The following RAP1GDS1 variants were observed in gnomAD, a reference collection of about 807,000 sequenced individuals.
RAP1GDS1 encodes Rap1 GTPase-GDP dissociation stimulator 1.
In RAP1GDS1, 35 loss-of-function variants were observed where a neutral mutation model predicts 71.1. That is an observed-to-expected ratio of 0.49 (90% CI 0.38 to 0.65). The LOEUF (loss-of-function observed/expected upper bound fraction) is 0.65. Ranked by LOEUF, RAP1GDS1 falls within the 30% of genes least tolerant of loss-of-function variation. The pLI, the probability that RAP1GDS1 is intolerant of heterozygous loss-of-function variation, is 0.00. For synonymous variants in RAP1GDS1, 229 were observed against 243.1 expected (o/e 0.94, Z 0.54); for missense variants, 663 against 706.1 (o/e 0.94, Z 0.69).
At chr4:98,355,446 G>A (rs750278204) in intron 4 of RAP1GDS1, among the ~76,000 whole-genome samples, 45 of 152,216 alleles carry the variant, frequency 3.0e-4, no homozygotes, top group Admixed American at 7.2e-4. Flanking sequence ...CAGGATGATA[G>A]TAGGCTTACA....
chr4:98,347,883 A>G (rs1170077611), intron 3 of RAP1GDS1, among the ~76,000 whole-genome samples: 1 of 152,226 alleles, frequency 6.6e-6, no homozygotes, highest in Non-Finnish European at 1.5e-5. Flanking sequence ...AGGTATAGGT[A>G]GTAGGAACCC....
At chr4:98,313,593 C>G (rs1730565288) in intron 2 of RAP1GDS1, among the ~76,000 whole-genome samples, 1 of 152,092 alleles carries the variant, frequency 6.6e-6, no homozygotes, top group African/African-American at 2.4e-5. Context: ...GCTGTAATCC[C>G]AGCACTTTGG....
At chr4:98,440,821 G>A (rs1751764656) in intron 14 of RAP1GDS1, among the ~76,000 whole-genome samples, 2 of 152,100 alleles carry the variant, frequency 1.3e-5, no homozygotes, top group African/African-American at 2.4e-5. Context: ...AGGTTCAAGC[G>A]ATTCTCCTGC....
At chr4:98,330,627 G>A (rs1177406981) in intron 2 of RAP1GDS1, among the ~76,000 whole-genome samples, 11 of 151,364 alleles carry the variant, frequency 7.3e-5, no homozygotes, top group East Asian at 4.0e-4. Context: ...GACGATGGGC[G>A]GCCGGGCAGA....
chr4:98,408,496 A>G (rs990405295), intron 7 of RAP1GDS1, among the ~76,000 whole-genome samples: 14 of 152,160 alleles, frequency 9.2e-5, no homozygotes, highest in African/African-American at 3.1e-4. Flanking sequence ...ATCTTACCTT[A>G]AGAATTCTTC....
intron 13 of RAP1GDS1, among the ~76,000 whole-genome samples, chr4:98,436,039 C>T (rs1284556824): frequency 6.6e-6 from 1 of 150,816 alleles, no homozygotes; most frequent in African/African-American, 2.4e-5. Context: ...CCACTGCACT[C>T]CAGCCTGGGC....
rs77017993 is a variant in RAP1GDS1, at chr4:98,364,374, A to C, written c.361+11773A>C. ...ACAGATAAAAAAACTGAGACCTGAA[A>C]ATTCAAGTGACTTATCAGAATCAAC... On this transcript the variant is annotated intron_variant, in intron 4 of 14. Transcript: ENST00000408927. 7.9e-3 allele frequency among the ~76,000 whole-genome samples: 1,206 copies of C among 152,218 alleles called. 16 individuals are homozygous for C. The highest frequency in any genetic ancestry group is 0.028 in the African/African-American group (1,153 of 41,538).
intron 1 of RAP1GDS1, among the ~76,000 whole-genome samples, chr4:98,276,311 T>A (rs1295257628): frequency 6.6e-6 from 1 of 152,152 alleles, no homozygotes; most frequent in African/African-American, 2.4e-5. Flanking sequence ...ACATATGAAT[T>A]TTTAGGGGAC....
rs6148589 is a variant in RAP1GDS1 at position 98,289,554 on chromosome 4, C to CAAAAAAAAAAA, written c.5-3843_5-3833dup. On this transcript the variant is annotated intron_variant, in intron 1 of 14. Transcript: ENST00000408927. The stretch of plus-strand genomic sequence containing the variant: ...TCGGTTTAGGACCAGCTCTGGTAAA[C>CAAAAAAAAAAA]AAAAAAAAAAAAAAAAAAAAAGAAA... Among the ~76,000 whole-genome samples the CAAAAAAAAAAA allele has an allele frequency of 8.0e-4, 82 of 101,972 alleles. 1 individual carries two copies. Among genetic ancestry groups the CAAAAAAAAAAA allele is most frequent in the East Asian group, 2.1e-3 (7 of 3,264 alleles). 66.9% of individuals were successfully genotyped at this position (101,972 alleles called of 152,430 possible). A position where few individuals can be genotyped will look rare whatever the true frequency, so the allele number is the denominator to read the frequency against.
intron 4 of RAP1GDS1, among the ~76,000 whole-genome samples, chr4:98,353,831 T>C (rs999309074): frequency 6.6e-6 from 1 of 152,176 alleles, no homozygotes; most frequent in Non-Finnish European, 1.5e-5. Flanking sequence ...ATTTTGTGTT[T>C]TCATATTTAG....
In RAP1GDS1 at chr4:98,363,478, C is replaced by CAAAAAAAAAAAAAAAA. The variant is rs34393905; in HGVS notation, c.361+10889_361+10904dup. On this transcript the variant is annotated intron_variant, in intron 4 of 14. Coordinates refer to ENST00000408927, the MANE Select transcript of RAP1GDS1 (RefSeq NM_001100427.2). ...CCTAAATAACAGTGAGACCCTGTCT[C>CAAAAAAAAAAAAAAAA]AAAAAAAAAAAAAAAAAAAAAAAAA... Among the ~76,000 whole-genome samples, 17 of 37,730 alleles carry CAAAAAAAAAAAAAAAA rather than the reference C, an allele frequency of 4.5e-4. 4 individuals carry two copies. Among genetic ancestry groups the CAAAAAAAAAAAAAAAA allele is most frequent in the African/African-American group, 9.9e-4 (10 of 10,116 alleles). 24.8% of individuals were successfully genotyped at this position (37,730 alleles called of 152,430 possible). A position where few individuals can be genotyped will look rare whatever the true frequency, so the allele number is the denominator to read the frequency against.
At chr4:98,288,484 G>A (rs992853428) in intron 1 of RAP1GDS1, among the ~76,000 whole-genome samples, 2 of 152,052 alleles carry the variant, frequency 1.3e-5, no homozygotes, top group Non-Finnish European at 2.9e-5. Flanking sequence ...TAGTGCCGCA[G>A]TAAACATACG....
At chr4:98,369,463 A>C (rs887966968) in intron 4 of RAP1GDS1, among the ~76,000 whole-genome samples, 13 of 152,180 alleles carry the variant, frequency 8.5e-5, no homozygotes, top group African/African-American at 2.7e-4. Flanking sequence ...AAACAACCCA[A>C]TGTCAATCAG....
At chr4:98,334,707 C>T (rs1034195164) in intron 2 of RAP1GDS1, among the ~76,000 whole-genome samples, 31 of 152,014 alleles carry the variant, frequency 2.0e-4, no homozygotes, top group African/African-American at 7.5e-4. Context: ...TTAACTGTTT[C>T]TTTACCCTAA....
intron 1 of RAP1GDS1, among the ~76,000 whole-genome samples, chr4:98,265,570 A>C (rs970855008): frequency 6.6e-6 from 1 of 152,186 alleles, no homozygotes; most frequent in African/African-American, 2.4e-5. Flanking sequence ...AGAGATCTGG[A>C]AGTTATCCAC....
intron 1 of RAP1GDS1, among the ~76,000 whole-genome samples, chr4:98,262,675 C>A (rs773313444): frequency 1.2e-4 from 18 of 152,168 alleles, no homozygotes; most frequent in Non-Finnish European, 2.2e-4. Flanking sequence ...CTTTTCCCAC[C>A]CCTTCTGTGC....
intron 14 of RAP1GDS1, among the ~76,000 whole-genome samples, chr4:98,441,033 T>C (rs1423379385): frequency 6.6e-6 from 1 of 152,216 alleles, no homozygotes; most frequent in Non-Finnish European, 1.5e-5. Context: ...CTATCTTGAT[T>C]ATTGTAGCTT....
intron 3 of RAP1GDS1, among the ~76,000 whole-genome samples, chr4:98,346,746 A>G (rs886471350): frequency 6.6e-6 from 1 of 152,032 alleles, no homozygotes; most frequent in Non-Finnish European, 1.5e-5. Flanking sequence ...GGGTTTCACC[A>G]TGTTAGCCAG....
intron 7 of RAP1GDS1, among the ~76,000 whole-genome samples, chr4:98,407,875 G>T (rs1746381693): frequency 6.6e-6 from 1 of 151,954 alleles, no homozygotes; most frequent in Non-Finnish European, 1.5e-5. Context: ...GTAAAGAGCT[G>T]AAATAAAATG....
Sources: gnomAD v4.1 joint callset for allele counts (sites outside exome capture counted in the v4.1 genomes callset) on GRCh38, gnomAD v4.1.1 for gene constraint, MANE v1.5 for transcripts, NCBI Gene and HGNC (gene_info 2026-07-23, HGNC 2026-07-21) for gene names.